The following ARMC2 variants were observed in gnomAD, a reference collection of about 807,000 sequenced individuals.
The protein encoded by ARMC2 is armadillo repeat-containing protein 2.
In ARMC2, 67 loss-of-function variants were observed where a neutral mutation model predicts 90.3. That is an observed-to-expected ratio of 0.74 (90% CI 0.61 to 0.91). The LOEUF is 0.91. Among genes scored for constraint, ARMC2 ranks in the 40% least tolerant of loss-of-function variants. ARMC2 has a pLI of 0.00. For missense variants in ARMC2, 920 were observed against 1,030.9 expected (o/e 0.89, Z 1.47); for synonymous variants, 393 against 393.0 (o/e 1.00, Z 0.00).
At chr6:108,862,558 A>C (rs1775382780) in intron 3 of ARMC2, among the ~76,000 whole-genome samples, 1 of 152,030 alleles carries the variant, frequency 6.6e-6, no homozygotes, top group Non-Finnish European at 1.5e-5. Context: ...TCCCCATGCT[A>C]CCTGACCTTC....
At chr6:108,869,673 A>G (rs1431759995) in intron 4 of ARMC2, among the ~76,000 whole-genome samples, 3 of 152,204 alleles carry the variant, frequency 2.0e-5, no homozygotes, top group African/African-American at 4.8e-5. Flanking sequence ...TTTCTTTGAG[A>G]ATGCCCTTCT....
At chr6:109,020,178 T>G in the ARMC2 span, among the ~76,000 whole-genome samples, 1,316 of 152,232 alleles carry the variant, frequency 8.6e-3, 22 homozygotes, top group African/African-American at 0.029. Flanking sequence ...GGCCTAAGCT[T>G]CTTCTTTTTT....
the ARMC2 span, among the ~76,000 whole-genome samples, chr6:109,034,418 C>T: frequency 6.6e-6 from 1 of 152,130 alleles, no homozygotes; most frequent in East Asian, 1.9e-4. Flanking sequence ...ATTTTAAATA[C>T]AATATTGAAT....
the ARMC2 span, among the ~76,000 whole-genome samples, chr6:109,041,708 CT>C: frequency 6.6e-6 from 1 of 151,576 alleles, no homozygotes; most frequent in Non-Finnish European, 1.5e-5. Context: ...GAAGGAAAAC[CT>C]GGTAGTACGG....
At chr6:108,988,539 A>G in the ARMC2 span, 1 of 1,605,434 alleles carries the variant, frequency 6.2e-7, no homozygotes, top group Non-Finnish European at 8.5e-7. Flanking sequence ...CAATAGGCAC[A>G]TACCTTCTCA....
At chr6:108,855,926 G>A (rs1774544510) in intron 2 of ARMC2, among the ~76,000 whole-genome samples, 1 of 152,150 alleles carries the variant, frequency 6.6e-6, no homozygotes, top group Non-Finnish European at 1.5e-5. Context: ...TGAATTTTAA[G>A]AATTATTTAT....
At chr6:108,963,688 G>A (rs1778156973) in intron 15 of ARMC2, among the ~76,000 whole-genome samples, 1 of 152,102 alleles carries the variant, frequency 6.6e-6, no homozygotes. Flanking sequence ...GCCTTGAGAT[G>A]TCCCTACACT....
At chr6:109,042,527 T>C in the ARMC2 span, among the ~76,000 whole-genome samples, 3 of 147,870 alleles carry the variant, frequency 2.0e-5, no homozygotes. Flanking sequence ...CAGAGGATTA[T>C]TGCGAAAAAA....
At chr6:108,998,322 T>C in the ARMC2 span, among the ~76,000 whole-genome samples, 3 of 152,174 alleles carry the variant, frequency 2.0e-5, no homozygotes, top group African/African-American at 7.2e-5. Flanking sequence ...TTGTAAAATG[T>C]TGTATATCAC....
intron 12 of ARMC2, among the ~76,000 whole-genome samples, chr6:108,946,594 G>T (rs1303291793): frequency 6.6e-6 from 1 of 152,192 alleles, no homozygotes; most frequent in South Asian, 2.1e-4. Context: ...AAAGCAAATT[G>T]TAAATCCTGA....
the ARMC2 span, among the ~76,000 whole-genome samples, chr6:109,032,526 G>A: frequency 1.3e-5 from 2 of 151,506 alleles, no homozygotes; most frequent in African/African-American, 2.4e-5. Context: ...GCTGAGGCAG[G>A]AGAATCGCTT....
intron 4 of ARMC2, among the ~76,000 whole-genome samples, chr6:108,874,713 G>A (rs543330192): frequency 7.2e-5 from 11 of 152,090 alleles, no homozygotes; most frequent in Admixed American, 5.9e-4. Context: ...TGGGTGCCCC[G>A]GGGGGCCTGC....
chr6:109,005,903 A>G, the ARMC2 span, among the ~76,000 whole-genome samples: 1 of 152,230 alleles, frequency 6.6e-6, no homozygotes. Flanking sequence ...TTGGCTGTCT[A>G]ATTTCTCAGA....
At chr6:108,858,420 T>A (rs746116576) in intron 3 of ARMC2, 149 bp downstream of exon 3, 74 of 478,884 alleles carry the variant, frequency 1.5e-4, no homozygotes, top group Non-Finnish European at 2.5e-4. Context: ...CAGATTCTTT[T>A]ATATTGTTCA....
chr6:108,863,652 A>G (rs527799358), intron 3 of ARMC2, among the ~76,000 whole-genome samples: 36 of 152,350 alleles, frequency 2.4e-4, no homozygotes, highest in Admixed American at 2.0e-3. Context: ...GTCTTTCATC[A>G]TTATTTTAGT....
In ARMC2 at chr6:108,864,997, AT is replaced by A. The variant is rs36025894; in HGVS notation, c.292-3808del. On this transcript the variant is annotated intron_variant, in intron 3 of 17. Transcript: ENST00000392644. ...TGAGGTAGTTAATATTCTCAAGTGAATTTTTTTTTTTTTTTTTTTGAGACAG... is the reference window on the plus strand; with the variant it reads ...TGAGGTAGTTAATATTCTCAAGTGAATTTTTTTTTTTTTTTTTTGAGACAG... 7.4e-3 allele frequency among the ~76,000 whole-genome samples: 983 copies of A among 132,782 alleles called. 11 individuals carry two copies. Among genetic ancestry groups the A allele is most frequent in the African/African-American group, 0.024 (838 of 35,206 alleles). 87.1% of individuals were successfully genotyped at this position (132,782 alleles called of 152,430 possible). A position where few individuals can be genotyped will look rare whatever the true frequency, so the allele number is the denominator to read the frequency against.
the ARMC2 span, among the ~76,000 whole-genome samples, chr6:108,982,318 G>C: frequency 6.6e-6 from 1 of 152,162 alleles, no homozygotes; most frequent in Non-Finnish European, 1.5e-5. Context: ...GCAGAGGGCT[G>C]CCTTTTTGCT....
chr6:109,026,391 C>T, the ARMC2 span, among the ~76,000 whole-genome samples: 75 of 152,166 alleles, frequency 4.9e-4, no homozygotes, highest in Non-Finnish European at 4.7e-4. Flanking sequence ...AAATTCTCAC[C>T]TACCCAGAAT....
the ARMC2 span, among the ~76,000 whole-genome samples, chr6:109,028,800 G>A: frequency 6.6e-6 from 1 of 152,142 alleles, no homozygotes; most frequent in African/African-American, 2.4e-5. Flanking sequence ...ACTGGAAAAA[G>A]AGACCATTTC....
Sources: gnomAD v4.1 joint callset for allele counts (sites outside exome capture counted in the v4.1 genomes callset) on GRCh38, gnomAD v4.1.1 for gene constraint, MANE v1.5 for transcripts, NCBI Gene and HGNC (gene_info 2026-07-23, HGNC 2026-07-21) for gene names.